Variants in PPP2R2B observed in about 807,000 individuals in gnomAD.
PPP2R2B encodes the protein serine/threonine-protein phosphatase 2A 55 kDa regulatory subunit B beta isoform.
A neutral mutation model predicts 46.0 loss-of-function variants in PPP2R2B; 5 were observed. That is an observed-to-expected ratio of 0.11 (90% CI 0.06 to 0.23). The LOEUF (loss-of-function observed/expected upper bound fraction) is 0.23, where lower values mean the gene tolerates loss of function less well. Among genes scored for constraint, PPP2R2B ranks in the 10% least tolerant of loss-of-function variants. PPP2R2B has a pLI of 1.00. For synonymous variants in PPP2R2B, 215 were observed against 206.7 expected (o/e 1.04, Z -0.34); for missense variants, 367 against 575.0 (o/e 0.64, Z 3.70).
chr5:146,656,899 G>T (rs1314582147), intron 5 of PPP2R2B, among the ~76,000 whole-genome samples: 1 of 152,110 alleles, frequency 6.6e-6, no homozygotes, highest in Non-Finnish European at 1.5e-5. Flanking sequence ...CACCCGCTTT[G>T]AGTCTTCCTC....
intron 1 of PPP2R2B, among the ~76,000 whole-genome samples, chr5:146,916,126 G>A (rs1173322143): frequency 6.6e-6 from 1 of 152,106 alleles, no homozygotes; most frequent in Admixed American, 6.6e-5. Context: ...TACAGCATCT[G>A]ACCCACGGTT....
At chr5:146,818,296 T>C (rs1034382849) in intron 2 of PPP2R2B, among the ~76,000 whole-genome samples, 1 of 152,008 alleles carries the variant, frequency 6.6e-6, no homozygotes, top group African/African-American at 2.4e-5. Flanking sequence ...ACGATATTTG[T>C]TGAATAATTA....
chr5:146,983,326 G>A (rs951402378), intron 1 of PPP2R2B, among the ~76,000 whole-genome samples: 4 of 151,100 alleles, frequency 2.6e-5, no homozygotes, highest in South Asian at 4.2e-4. Context: ...GACTACAGGC[G>A]TCCGCCACCA....
At chr5:146,727,271 A>G (rs1183454958) in intron 2 of PPP2R2B, among the ~76,000 whole-genome samples, 1 of 151,104 alleles carries the variant, frequency 6.6e-6, no homozygotes, top group Admixed American at 6.6e-5. Context: ...AAGGATGTGG[A>G]TGAAGTCTTA....
chr5:146,758,407 T>C (rs1375766550), intron 2 of PPP2R2B, among the ~76,000 whole-genome samples: 1 of 152,298 alleles, frequency 6.6e-6, no homozygotes, highest in African/African-American at 2.4e-5. Flanking sequence ...CCTCAAAGGC[T>C]TGTTATGAGG....
intron 1 of PPP2R2B, among the ~76,000 whole-genome samples, chr5:147,029,837 C>T (rs897975122): frequency 1.2e-4 from 18 of 152,116 alleles, no homozygotes; most frequent in African/African-American, 3.9e-4. Flanking sequence ...CCGCCAGCAC[C>T]TTAATCTAGC....
chr5:146,761,755 A>C (rs2151254465), intron 2 of PPP2R2B, among the ~76,000 whole-genome samples: 1 of 152,314 alleles, frequency 6.6e-6, no homozygotes, highest in African/African-American at 2.4e-5. Context: ...AATAAGATGG[A>C]AAATAATAAT....
intron 2 of PPP2R2B, among the ~76,000 whole-genome samples, chr5:146,733,679 C>G (rs972582698): frequency 1.3e-5 from 2 of 150,766 alleles, no homozygotes; most frequent in Non-Finnish European, 2.9e-5. Context: ...ATAAGTAGAT[C>G]TGGGGCAAGG....
At chr5:146,637,394 C>T (rs1021231066) in intron 7 of PPP2R2B, among the ~76,000 whole-genome samples, 3 of 152,170 alleles carry the variant, frequency 2.0e-5, no homozygotes, top group Non-Finnish European at 4.4e-5. Context: ...AAACATCCTA[C>T]AATGTATAGG....
At chr5:146,819,662 CT>C (rs34829156) in intron 2 of PPP2R2B, among the ~76,000 whole-genome samples, 12 of 151,986 alleles carry the variant, frequency 7.9e-5, no homozygotes, top group Non-Finnish European at 1.8e-4. Context: ...AATGAATTTG[CT>C]TTTTTTAAAG....
At chr5:146,866,236 A>G (rs1761302872) in intron 2 of PPP2R2B, among the ~76,000 whole-genome samples, 1 of 152,234 alleles carries the variant, frequency 6.6e-6, no homozygotes, top group Non-Finnish European at 1.5e-5. Context: ...GTTTCATTCT[A>G]TTAGAATATT....
At chr5:146,899,391 G>A (rs892177592) in intron 1 of PPP2R2B, among the ~76,000 whole-genome samples, 6 of 140,902 alleles carry the variant, frequency 4.3e-5, no homozygotes, top group South Asian at 2.3e-4. Flanking sequence ...ACCAAACACC[G>A]CATATTCTCA....
intron 1 of PPP2R2B, chr5:147,081,234 T>C: frequency 1.3e-6 from 2 of 1,535,642 alleles, no homozygotes; most frequent in Non-Finnish European, 1.7e-6. Flanking sequence ...AATCTATGCA[T>C]TTCTAAAAGG....
chr5:146,703,406 G>A (rs994785586), intron 2 of PPP2R2B, among the ~76,000 whole-genome samples: 2 of 152,178 alleles, frequency 1.3e-5, no homozygotes, highest in African/African-American at 4.8e-5. Flanking sequence ...TCAGAGCTAC[G>A]TTCTAAAGTT....
intron 1 of PPP2R2B, among the ~76,000 whole-genome samples, chr5:146,926,805 A>G (rs933447171): frequency 1.3e-5 from 2 of 152,094 alleles, no homozygotes; most frequent in African/African-American, 4.8e-5. Context: ...GAAGCATATA[A>G]AGGGCTTCTG....
chr5:146,635,582 C>A (rs1774761513), intron 7 of PPP2R2B, among the ~76,000 whole-genome samples: 1 of 152,170 alleles, frequency 6.6e-6, no homozygotes, highest in Non-Finnish European at 1.5e-5. Context: ...GCTTCCCGTG[C>A]CATCCCTGGC....
At chr5:146,900,641 G>T (rs1409209730) in intron 1 of PPP2R2B, among the ~76,000 whole-genome samples, 2 of 128,300 alleles carry the variant, frequency 1.6e-5, no homozygotes, top group Non-Finnish European at 3.2e-5. Context: ...TTTATTTTAA[G>T]CTCCGGGCTA....
chr5:146,701,612 A>G (rs1222083593), intron 2 of PPP2R2B, among the ~76,000 whole-genome samples: 1 of 152,198 alleles, frequency 6.6e-6, no homozygotes, highest in Non-Finnish European at 1.5e-5. Context: ...ATGGAGGAAC[A>G]GAGCACAAAG....
At position 146,983,176 on chromosome 5, in the gene PPP2R2B, AT is replaced by A. The variant is rs745692719; in HGVS notation, c.79+72488del. Among the ~76,000 whole-genome samples the A allele has an allele frequency of 8.6e-3, 698 of 80,808 alleles. 2 individuals carry two copies. The highest frequency in any genetic ancestry group is 0.013 in the South Asian group (25 of 1,908). The allele number at this position is 80,808 out of a possible 152,430, so 53.0% of individuals were successfully genotyped here. Reference sequence around the variant, plus strand: ...GTTTATCTATCGTGTTTTCCAGAGCATTTTTTTTTTTTTTTTTTTTTTGAGA... The same window carrying A: ...GTTTATCTATCGTGTTTTCCAGAGCATTTTTTTTTTTTTTTTTTTTTGAGA... On this transcript the variant is annotated intron_variant, in intron 1 of 8. Coordinates refer to the PPP2R2B transcript ENST00000336640.
Sources: allele counts gnomAD v4.1 joint callset (sites outside exome capture counted in the v4.1 genomes callset), GRCh38; gene constraint gnomAD v4.1.1; transcripts MANE v1.5; gene names NCBI Gene and HGNC (gene_info 2026-07-23, HGNC 2026-07-21).